RIMS1: variants seen among roughly 807,000 people sequenced by gnomAD.
The protein encoded by RIMS1 is regulating synaptic membrane exocytosis 1.
RIMS1 carries 83 observed loss-of-function variants against 214.1 expected under a neutral mutation model. The ratio of observed to expected loss-of-function variants is 0.39; its 90% CI spans 0.32 to 0.47. The LOEUF (loss-of-function observed/expected upper bound fraction) is 0.47, where lower values mean the gene tolerates loss of function less well. Among genes scored for constraint, RIMS1 ranks in the 20% least tolerant of loss-of-function variants. The pLI is 0.99. For missense variants in RIMS1, 2,050 were observed against 2,161.8 expected (o/e 0.95, Z 1.03); for synonymous variants, 793 against 786.8 (o/e 1.01, Z -0.13).
chr6:72,295,524 G>A (rs970612496), intron 26 of RIMS1, among the ~76,000 whole-genome samples: 1 of 151,490 alleles, frequency 6.6e-6, no homozygotes, highest in Non-Finnish European at 1.5e-5. Flanking sequence ...TTTTTGAAAT[G>A]ATAAAAATTT....
chr6:72,335,857 C>T (rs1281734706), intron 29 of RIMS1, among the ~76,000 whole-genome samples: 1 of 151,786 alleles, frequency 6.6e-6, no homozygotes, highest in African/African-American at 2.4e-5. Flanking sequence ...CGTTTGTTGG[C>T]CACATTAAAT....
chr6:72,241,756 T>A (rs1429185088), intron 9 of RIMS1, among the ~76,000 whole-genome samples: 2 of 152,186 alleles, frequency 1.3e-5, no homozygotes, highest in Admixed American at 1.3e-4. Flanking sequence ...CGTTAACTGA[T>A]GGGTGTGAAT....
At chr6:71,978,236 A>G (rs781622305) in intron 2 of RIMS1, among the ~76,000 whole-genome samples, 5 of 152,176 alleles carry the variant, frequency 3.3e-5, no homozygotes, top group Non-Finnish European at 5.9e-5. Flanking sequence ...TAAGCATCCT[A>G]CTATGGATGC....
chr6:72,157,973 C>A (rs9293868), intron 4 of RIMS1, among the ~76,000 whole-genome samples: 15,913 of 139,650 alleles, frequency 0.11, 3,090 homozygotes, highest in Middle Eastern at 0.14. Flanking sequence ...AATATAAGAA[C>A]CTCATTCACC....
rs979962453 is a variant in RIMS1, at chr6:72,402,858, A to G, written c.*2144A>G. ...TTGCCAGATTTCCATTGTGGGTTCT[A>G]TGGTGCAAAATGGGAGCCAGGCCAT... On this transcript the variant is annotated 3_prime_UTR_variant, in exon 34 of 34. Coordinates refer to ENST00000521978, the MANE Select transcript of RIMS1 (RefSeq NM_014989.7). 6.6e-6 allele frequency: 1 copy of G among 152,596 alleles called. No individual in the cohort carries two copies. The highest frequency in any genetic ancestry group is 2.4e-5 in the African/African-American group (1 of 41,428). 9.5% of individuals were successfully genotyped at this position (152,596 alleles called of 1,614,324 possible).
chr6:71,952,141 C>A (rs1418212702), intron 1 of RIMS1, among the ~76,000 whole-genome samples: 1 of 152,078 alleles, frequency 6.6e-6, no homozygotes, highest in East Asian at 1.9e-4. Context: ...TGTTGGGAAA[C>A]CTACGTGGGA....
At chr6:72,254,672 A>G (rs374866656) in intron 16 of RIMS1, among the ~76,000 whole-genome samples, 1 of 152,332 alleles carries the variant, frequency 6.6e-6, no homozygotes, top group South Asian at 2.1e-4. Context: ...CCAATTAAAT[A>G]AATGCTTGCA....
At chr6:72,297,702 C>T (rs932277202) in intron 26 of RIMS1, among the ~76,000 whole-genome samples, 2 of 151,950 alleles carry the variant, frequency 1.3e-5, no homozygotes, top group African/African-American at 4.8e-5. Context: ...TCCCAAAATG[C>T]GTCCAGGAAG....
At chr6:72,043,876 TAAAAG>T (rs542080064) in intron 2 of RIMS1, among the ~76,000 whole-genome samples, 78 of 151,724 alleles carry the variant, frequency 5.1e-4, no homozygotes, top group African/African-American at 1.8e-3. Context: ...ATGAAACACA[TAAAAG>T]AAAAGTAAAA....
intron 6 of RIMS1, among the ~76,000 whole-genome samples, chr6:72,191,321 A>G (rs1421280546): frequency 6.6e-6 from 1 of 152,240 alleles, no homozygotes; most frequent in East Asian, 1.9e-4. Flanking sequence ...CTTAGAGGGA[A>G]TATCTTGACA....
chr6:72,032,632 A>G (rs1295699434), intron 2 of RIMS1, among the ~76,000 whole-genome samples: 10 of 152,228 alleles, frequency 6.6e-5, no homozygotes, highest in Non-Finnish European at 1.5e-5. Context: ...GAAGAAATGT[A>G]GAATTTTAAA....
intron 2 of RIMS1, among the ~76,000 whole-genome samples, chr6:72,013,708 T>G (rs1043906225): frequency 6.6e-6 from 1 of 152,198 alleles, no homozygotes; most frequent in Non-Finnish European, 1.5e-5. Context: ...AGTCTTCTTT[T>G]AAAATAACAT....
intron 6 of RIMS1, among the ~76,000 whole-genome samples, chr6:72,197,352 C>A (rs1013172718): frequency 6.6e-6 from 1 of 151,924 alleles, no homozygotes; most frequent in Non-Finnish European, 1.5e-5. Flanking sequence ...CACGATAAAC[C>A]AAGACACATT....
intron 33 of RIMS1, among the ~76,000 whole-genome samples, chr6:72,399,593 A>C (rs1159874670): frequency 6.6e-6 from 1 of 152,190 alleles, no homozygotes; most frequent in Non-Finnish European, 1.5e-5. Context: ...GTGGAGTACC[A>C]GATGCATTTC....
At chr6:72,237,404 G>A (rs533214655) in intron 8 of RIMS1, among the ~76,000 whole-genome samples, 1 of 152,034 alleles carries the variant, frequency 6.6e-6, no homozygotes, top group Admixed American at 6.6e-5. Flanking sequence ...TGAAGCCCTG[G>A]TGGCTCACAC....
intron 2 of RIMS1, among the ~76,000 whole-genome samples, chr6:72,038,812 A>C (rs1269211444): frequency 6.6e-6 from 1 of 152,174 alleles, no homozygotes; most frequent in Non-Finnish European, 1.5e-5. Flanking sequence ...TGAAGTATCC[A>C]AGGCTCTTAT....
intron 29 of RIMS1, among the ~76,000 whole-genome samples, chr6:72,387,127 C>T (rs946919634): frequency 4.6e-5 from 7 of 151,924 alleles, no homozygotes; most frequent in African/African-American, 1.2e-4. Flanking sequence ...TCCAGCACCT[C>T]GAGCAGTGTA....
At chr6:72,096,587 A>G (rs1264108710) in intron 2 of RIMS1, among the ~76,000 whole-genome samples, 1 of 152,228 alleles carries the variant, frequency 6.6e-6, no homozygotes, top group Non-Finnish European at 1.5e-5. Flanking sequence ...TTTTTGTTTC[A>G]GTTATATGCA....
At chr6:72,245,251 T>A (rs1400064416) in intron 10 of RIMS1, among the ~76,000 whole-genome samples, 1 of 151,708 alleles carries the variant, frequency 6.6e-6, no homozygotes, top group Admixed American at 6.6e-5. Flanking sequence ...TATATATGTG[T>A]ATATATATTA....
Sources: allele counts gnomAD v4.1 joint callset (sites outside exome capture counted in the v4.1 genomes callset), GRCh38; gene constraint gnomAD v4.1.1; transcripts MANE v1.5; gene names NCBI Gene and HGNC (gene_info 2026-07-23, HGNC 2026-07-21).